Variants in TRIO observed in about 807,000 individuals in gnomAD.
TRIO encodes the protein triple functional domain protein.
A neutral mutation model predicts 351.9 loss-of-function variants in TRIO; 58 were observed. That is an observed-to-expected ratio of 0.16 (90% CI 0.13 to 0.21). TRIO has a LOEUF of 0.21. Among genes scored for constraint, TRIO ranks in the 10% least tolerant of loss-of-function variants. TRIO has a pLI of 1.00. For missense variants in TRIO, 3,201 were observed against 4,027.8 expected (o/e 0.79, Z 5.56); for synonymous variants, 1,758 against 1,595.7 (o/e 1.10, Z -2.42).
chr5:14,230,335 G>T (rs1793325318), intron 1 of TRIO, among the ~76,000 whole-genome samples: 1 of 124,990 alleles, frequency 8.0e-6, no homozygotes, highest in South Asian at 2.4e-4. Context: ...AGTCAGGCAA[G>T]ATGTTTGTGT....
At chr5:14,274,789 A>T (rs1167604658) in intron 2 of TRIO, among the ~76,000 whole-genome samples, 4 of 152,202 alleles carry the variant, frequency 2.6e-5, no homozygotes, top group Non-Finnish European at 5.9e-5. Context: ...GATTCATTAC[A>T]CATTTTCTCT....
intron 1 of TRIO, among the ~76,000 whole-genome samples, chr5:14,182,076 TC>T (rs1789807109): frequency 6.8e-6 from 1 of 147,986 alleles, no homozygotes; most frequent in Non-Finnish European, 1.5e-5. Flanking sequence ...TTTTGGTTCT[TC>T]CTGTTCAAAT....
intron 11 of TRIO, among the ~76,000 whole-genome samples, chr5:14,353,195 C>CAAAAACAGT (rs1409163500): frequency 3.3e-5 from 5 of 150,114 alleles, no homozygotes; most frequent in Non-Finnish European, 5.9e-5. Context: ...TTTCTTAGAA[C>CAAAAACAGT]AAAAACAGTA....
At chr5:14,493,625 C>T (rs1336600761) in intron 49 of TRIO, among the ~76,000 whole-genome samples, 3 of 152,162 alleles carry the variant, frequency 2.0e-5, no homozygotes, top group Non-Finnish European at 4.4e-5. Flanking sequence ...ACAACAATAT[C>T]GAAATTAGAC....
At chr5:14,395,217 AG>A (rs1234528962) in intron 28 of TRIO, among the ~76,000 whole-genome samples, 1 of 152,206 alleles carries the variant, frequency 6.6e-6, no homozygotes, top group Non-Finnish European at 1.5e-5. Context: ...CAATTGGAAA[AG>A]CTCTCCTGTA....
rs914412245 is a variant in TRIO at position 14,414,556 on chromosome 5, G to A, written c.4960-5222G>A. Among the ~76,000 whole-genome samples the A allele has an allele frequency of 4.6e-5, 7 of 152,242 alleles. No individual in the cohort carries two copies. In the East Asian group the frequency reaches 1.3e-3, roughly 29 times the overall value. On this transcript the variant is annotated intron_variant, in intron 33 of 56. Coordinates refer to ENST00000344204, the MANE Select transcript of TRIO (RefSeq NM_007118.4). ...CCTCACTCCTTCTTTTCCAGATACA[G>A]TGTTGAGTATGGTAAGCTGCTGGTT...
At chr5:14,196,132 G>A (rs1003794224) in intron 1 of TRIO, among the ~76,000 whole-genome samples, 1 of 152,048 alleles carries the variant, frequency 6.6e-6, no homozygotes, top group Non-Finnish European at 1.5e-5. Context: ...GCAAAGATTT[G>A]TTGTGAGGCT....
At chr5:14,448,859 ATAGT>A (rs1752636879) in intron 34 of TRIO, among the ~76,000 whole-genome samples, 1 of 152,090 alleles carries the variant, frequency 6.6e-6, no homozygotes, top group African/African-American at 2.4e-5. Flanking sequence ...CACTGGTAAG[ATAGT>A]TCCTTGGGGA....
chr5:14,277,354 C>T (rs1351675460), intron 2 of TRIO, among the ~76,000 whole-genome samples: 3 of 152,002 alleles, frequency 2.0e-5, no homozygotes, highest in Non-Finnish European at 4.4e-5. Flanking sequence ...TTGTTTTTTG[C>T]TTTTTGACTA....
At chr5:14,275,369 A>G (rs1735399403) in intron 2 of TRIO, among the ~76,000 whole-genome samples, 1 of 152,146 alleles carries the variant, frequency 6.6e-6, no homozygotes, top group African/African-American at 2.4e-5. Flanking sequence ...CCATGTGGAT[A>G]TGCTATCAGC....
chr5:14,484,625 C>G (rs1256191778), intron 46 of TRIO, among the ~76,000 whole-genome samples: 1 of 152,204 alleles, frequency 6.6e-6, no homozygotes, highest in Non-Finnish European at 1.5e-5. Flanking sequence ...ATACACATAA[C>G]ATAAATGTTC....
chr5:14,332,894 C>G (rs112006082), intron 10 of TRIO, among the ~76,000 whole-genome samples: 2 of 152,140 alleles, frequency 1.3e-5, no homozygotes, highest in Non-Finnish European at 2.9e-5. Context: ...TAGAACAGTA[C>G]GATCATTCAG....
intron 33 of TRIO, among the ~76,000 whole-genome samples, chr5:14,414,351 C>G (rs1749460845): frequency 6.6e-6 from 1 of 152,256 alleles, no homozygotes; most frequent in African/African-American, 2.4e-5. Context: ...TGCCACGTCT[C>G]TGGTTTGCCT....
intron 34 of TRIO, among the ~76,000 whole-genome samples, chr5:14,456,173 C>T (rs767049159): frequency 1.4e-4 from 21 of 152,214 alleles, no homozygotes; most frequent in African/African-American, 2.2e-4. Flanking sequence ...GTGCAGGGCC[C>T]GCTGAGCACA....
Position 14,316,642 on chromosome 5 carries a change from G to T in TRIO, c.1630G>T (p.Val544Leu), listed in dbSNP as rs1315157839. ...CCATGTCCTGGATGTCATCCACGAG[G>T]TGCTGCACCACCAGCGGCAGCTGGA... ...VHHVLDVIHE[V>L]LHHQRQLENI... Residue 544 changes from valine (V) to leucine (L), a missense_variant, in exon 9 of 57, where the codon GTG becomes TTG. Physicochemically the swap from Val to Leu is conservative, Grantham distance 32. Around this residue, in one of 19 missense-constraint regions of TRIO, gnomAD observed 349 missense variants for 449.3 expected, o/e 0.78. Coordinates refer to ENST00000344204, the MANE Select transcript of TRIO (RefSeq NM_007118.4). 1 of 1,614,218 alleles carries T rather than the reference G, an allele frequency of 6.2e-7. No homozygotes were observed. Among genetic ancestry groups the T allele is most frequent in the Non-Finnish European group, 8.5e-7 (1 of 1,180,048 alleles).
At chr5:14,398,170 G>A (rs1747772922) in intron 29 of TRIO, among the ~76,000 whole-genome samples, 1 of 151,202 alleles carries the variant, frequency 6.6e-6, no homozygotes, top group Non-Finnish European at 1.5e-5. Context: ...AGAGTAAAAA[G>A]AGAGTGGAAG....
chr5:14,429,082 C>T (rs1244394291), intron 34 of TRIO, among the ~76,000 whole-genome samples: 1 of 152,162 alleles, frequency 6.6e-6, no homozygotes, highest in African/African-American at 2.4e-5. Flanking sequence ...TGAAAAATTA[C>T]AGAGAGATGA....
At chr5:14,492,157 C>T (rs1189836212) in intron 48 of TRIO, among the ~76,000 whole-genome samples, 3 of 152,180 alleles carry the variant, frequency 2.0e-5, no homozygotes, top group African/African-American at 7.2e-5. Flanking sequence ...AATTTTGCAT[C>T]AATTAATTCT....
chr5:14,287,000 C>T lies in TRIO; in HGVS notation c.477C>T (p.Ile159=). The change falls in exon 4 of 57, where the codon ATC becomes ATT. Residue 159 remains isoleucine (I), a synonymous_variant. Transcript: ENST00000344204. The surrounding 1 kb of genome is among the most constrained non-coding windows in gnomAD (Gnocchi z 4.4). The part of the protein sequence containing the change: ...FPCCIHVALI[I]KPDNFWQKQR... ...GCTGCATCCATGTGGCCCTGATCAT[C>T]AAGCCAGACAACTTCTGGCAGAAAC... is the stretch of plus-strand genomic sequence containing the variant. 6.2e-7 allele frequency: 1 copy of T among 1,614,206 alleles called. No individual in the cohort carries two copies. The highest frequency in any genetic ancestry group is 8.5e-7 in the Non-Finnish European group (1 of 1,180,032).
Sources: gnomAD v4.1 joint callset for allele counts (sites outside exome capture counted in the v4.1 genomes callset) on GRCh38, gnomAD v4.1.1 for gene constraint, gnomAD v4.1.1 regional missense constraint, Gnocchi (gnomAD v3.1) non-coding constraint, MANE v1.5 for transcripts, NCBI Gene and HGNC (gene_info 2026-07-23, HGNC 2026-07-21) for gene names.